Variants in KHDRBS2 observed in about 807,000 individuals in gnomAD.
KHDRBS2 encodes the protein KH domain-containing, RNA-binding, signal transduction-associated protein 2.
A neutral mutation model predicts 44.3 loss-of-function variants in KHDRBS2; 26 were observed. The observed-to-expected ratio is 0.59, with a 90% confidence interval of 0.43 to 0.81. KHDRBS2 has a LOEUF of 0.81. Among genes scored for constraint, KHDRBS2 ranks in the 40% least tolerant of loss-of-function variants. The pLI is 0.00. For synonymous variants in KHDRBS2, 194 were observed against 151.1 expected, an observed-to-expected ratio of 1.28 and a Z score of -2.08; for missense variants, 476 against 433.1, an observed-to-expected ratio of 1.10 and a Z score of -0.88.
intron 1 of KHDRBS2, among the ~76,000 whole-genome samples, chr6:62,242,956 G>A (rs1158653267): frequency 6.6e-6 from 1 of 152,130 alleles, no homozygotes; most frequent in Non-Finnish European, 1.5e-5. Context: ...AGGTATGAAA[G>A]TAACAGTGTG....
the KHDRBS2 span, among the ~76,000 whole-genome samples, chr6:61,635,113 C>T: frequency 6.6e-6 from 1 of 151,936 alleles, no homozygotes; most frequent in Non-Finnish European, 1.5e-5. Context: ...AATCTCATTA[C>T]TTCATTGCAT....
At chr6:61,697,146 G>T in intron 8 of KHDRBS2, 49 bp downstream of exon 8, 2 of 1,144,330 alleles carry the variant, frequency 1.7e-6, no homozygotes, top group South Asian at 2.4e-5. Flanking sequence ...AATTGTCGGT[G>T]ACTGATGGAT....
intron 6 of KHDRBS2, among the ~76,000 whole-genome samples, chr6:61,766,376 G>C (rs1780011372): frequency 6.6e-6 from 1 of 151,478 alleles, no homozygotes; most frequent in African/African-American, 2.4e-5. Context: ...TTTTTACTTA[G>C]TCTTGGTAAA....
At chr6:62,196,485 G>C (rs1437384568) in intron 1 of KHDRBS2, among the ~76,000 whole-genome samples, 4 of 152,100 alleles carry the variant, frequency 2.6e-5, no homozygotes, top group South Asian at 2.1e-4. Context: ...GCTCACATTT[G>C]TGTGGGCATC....
intron 3 of KHDRBS2, among the ~76,000 whole-genome samples, chr6:61,993,650 CATAT>C (rs1188471190): frequency 1.8e-4 from 12 of 66,402 alleles, no homozygotes; most frequent in African/African-American, 4.4e-4. Flanking sequence ...CCCATAAAAT[CATAT>C]ATATATATAT....
chr6:61,919,732 CA>C (rs536035250), intron 4 of KHDRBS2, among the ~76,000 whole-genome samples: 4 of 150,750 alleles, frequency 2.7e-5, no homozygotes, highest in South Asian at 2.1e-4. Flanking sequence ...ACAACAACAA[CA>C]AAAAAAAACC....
the KHDRBS2 span, among the ~76,000 whole-genome samples, chr6:61,586,074 C>T: frequency 3.0e-4 from 46 of 152,270 alleles, no homozygotes; most frequent in East Asian, 7.7e-3. Flanking sequence ...AGGTCACAGT[C>T]ACTTTGTTTG....
chr6:61,846,349 A>T (rs753314943), intron 6 of KHDRBS2, among the ~76,000 whole-genome samples: 2 of 152,202 alleles, frequency 1.3e-5, no homozygotes, highest in Non-Finnish European at 2.9e-5. Context: ...TATAATAGAA[A>T]ATCTAACCAC....
intron 2 of KHDRBS2, among the ~76,000 whole-genome samples, chr6:62,074,703 C>T (rs1163763707): frequency 2.0e-5 from 3 of 151,892 alleles, no homozygotes; most frequent in Admixed American, 2.0e-4. Flanking sequence ...CTTTATCACA[C>T]ATTCTTAGTC....
intron 7 of KHDRBS2, among the ~76,000 whole-genome samples, chr6:61,713,857 C>A (rs964513536): frequency 1.3e-5 from 2 of 151,770 alleles, no homozygotes; most frequent in Admixed American, 1.3e-4. Context: ...AAGAATGAAA[C>A]TAGATCCCTA....
rs187008773 is a variant in KHDRBS2 at position 62,284,248 on chromosome 6, T to C, written c.91+1610A>G. On this transcript the variant is annotated intron_variant, in intron 1 of 8. Coordinates refer to ENST00000281156, the MANE Select transcript of KHDRBS2 (RefSeq NM_152688.4). ...ATATTAATGACTGATGAATTAATCTTTGAGCCACTTGTCTCAAATAGAACT... is the reference window on the plus strand; with the variant it reads ...ATATTAATGACTGATGAATTAATCTCTGAGCCACTTGTCTCAAATAGAACT... 2.6e-4 allele frequency among the ~76,000 whole-genome samples: 40 copies of C among 152,238 alleles called. 1 individual carries two copies. Among genetic ancestry groups the C allele is most frequent in the Non-Finnish European group, 1.5e-5 (1 of 67,948 alleles).
chr6:62,077,052 A>T (rs1184516356), intron 2 of KHDRBS2, among the ~76,000 whole-genome samples: 1 of 152,024 alleles, frequency 6.6e-6, no homozygotes, highest in African/African-American at 2.4e-5. Flanking sequence ...CATCTAAAAA[A>T]ATATAAAAAA....
chr6:61,553,050 T>A, the KHDRBS2 span, among the ~76,000 whole-genome samples: 1 of 152,164 alleles, frequency 6.6e-6, no homozygotes, highest in Non-Finnish European at 1.5e-5. Context: ...CTCTCCTCAA[T>A]GTTTGGAATA....
At chr6:61,982,053 C>A (rs1773948474) in intron 3 of KHDRBS2, among the ~76,000 whole-genome samples, 2 of 152,140 alleles carry the variant, frequency 1.3e-5, no homozygotes, top group South Asian at 4.1e-4. Flanking sequence ...AGATATTTAA[C>A]ATAGCCATTT....
intron 1 of KHDRBS2, 63 bp downstream of exon 1, chr6:62,285,795 A>C (rs1451595991): frequency 1.7e-6 from 2 of 1,189,306 alleles, no homozygotes; most frequent in African/African-American, 3.1e-5. Flanking sequence ...TCACTCCCCT[A>C]ATCAAGCCGC....
At chr6:61,868,463 A>C (rs1438278715) in intron 6 of KHDRBS2, among the ~76,000 whole-genome samples, 1 of 152,198 alleles carries the variant, frequency 6.6e-6, no homozygotes, top group Non-Finnish European at 1.5e-5. Context: ...GTCCTGCTTA[A>C]TGTCCCAGGG....
At chr6:62,081,949 G>T (rs563844877) in intron 2 of KHDRBS2, among the ~76,000 whole-genome samples, 1 of 152,100 alleles carries the variant, frequency 6.6e-6, no homozygotes, top group South Asian at 2.1e-4. Context: ...TAATATTGTT[G>T]CCAGTGTTGG....
At position 61,894,803 on chromosome 6, in the gene KHDRBS2, T is replaced by A. The variant is rs756573223; in HGVS notation, c.642A>T (p.Pro214=). The change falls in exon 6 of 9, where the codon CCA becomes CCT. Residue 214 remains proline, a synonymous_variant. Transcript: ENST00000281156. ...RGRGGAIPPP[P]PPGRGVLTPR... Reference sequence around the variant, plus strand: ...GGGTGAGAACACCTCGTCCAGGTGGTGGGGGAGGAGGAATGGCACCCCCAC... The same window carrying A: ...GGGTGAGAACACCTCGTCCAGGTGGAGGGGGAGGAGGAATGGCACCCCCAC... 1.2e-6 allele frequency: 2 copies of A among 1,612,072 alleles called. No homozygotes were observed. The highest frequency in any genetic ancestry group is 3.3e-5 in the Admixed American group (2 of 59,748).
intron 2 of KHDRBS2, among the ~76,000 whole-genome samples, chr6:62,145,261 T>G (rs35508595): frequency 9.8e-6 from 1 of 101,990 alleles, no homozygotes; most frequent in Non-Finnish European, 2.0e-5. Flanking sequence ...CTCTTTTTTG[T>G]TTTTTTTTGG....
Sources: gnomAD v4.1 joint callset for allele counts (sites outside exome capture counted in the v4.1 genomes callset) on GRCh38, gnomAD v4.1.1 for gene constraint, MANE v1.5 for transcripts, NCBI Gene and HGNC (gene_info 2026-07-23, HGNC 2026-07-21) for gene names.